UBR4: variants seen among roughly 807,000 people sequenced by gnomAD.
The protein encoded by UBR4 is E3 ubiquitin-protein ligase UBR4.
A neutral mutation model predicts 575.6 loss-of-function variants in UBR4; 124 were observed. That is an observed-to-expected ratio of 0.22 (90% confidence interval 0.19 to 0.25). UBR4 has a LOEUF of 0.25. Among genes scored for constraint, UBR4 ranks in the 10% least tolerant of loss-of-function variants. The pLI is 1.00. For synonymous variants in UBR4, 2,455 were observed against 2,473.7 expected, an observed-to-expected ratio of 0.99 and a Z score of 0.22; for missense variants, 4,818 against 6,478.8, an observed-to-expected ratio of 0.74 and a Z score of 8.80.
At chr1:19,113,628 A>T in intron 77 of UBR4, 71 bp downstream of exon 77, 1 of 1,587,982 alleles carries the variant, frequency 6.3e-7, no homozygotes, top group South Asian at 1.2e-5. Context: ...AGAGAGCAGC[A>T]GGACTGCTGT....
Position 19,110,595 on chromosome 1 carries a change from C to T in UBR4, c.11893-131G>A. On this transcript the variant is annotated intron_variant, in intron 79 of 105. Coordinates refer to ENST00000375254, the MANE Select transcript of UBR4 (RefSeq NM_020765.3). The surrounding 1 kb of genome is among the most constrained non-coding windows in gnomAD (Gnocchi z 4.5). Reference sequence around the variant, plus strand: ...AGGACAGACGGAGACCCTTGTGCTCCAGGCTCTTCCCTGGGAAAACCATTC... The same window carrying T: ...AGGACAGACGGAGACCCTTGTGCTCTAGGCTCTTCCCTGGGAAAACCATTC... 2 of 1,339,868 alleles carry T rather than the reference C, an allele frequency of 1.5e-6. No homozygotes were observed. The highest frequency in any genetic ancestry group is 2.1e-6 in the Non-Finnish European group (2 of 943,074). 83.0% of individuals were successfully genotyped at this position (1,339,868 alleles called of 1,614,324 possible). A position where few individuals can be genotyped will look rare whatever the true frequency, so the allele number is the denominator to read the frequency against.
chr1:19,180,172 T>A (rs181541567), intron 17 of UBR4, among the ~76,000 whole-genome samples: 54 of 152,078 alleles, frequency 3.6e-4, no homozygotes, highest in African/African-American at 1.3e-3. Flanking sequence ...GGTTTATCTC[T>A]AAAACCATGT....
chr1:19,121,400 A>G lies in UBR4; in HGVS notation c.9930T>C (p.Leu3310=). ...VLYFLLQVSF[L]VDEGVSPVLL... is the part of the protein sequence containing the mutation. ...GCACTGGGGACACGCCCTCATCCAC[A>G]AGGAAACTGACTTGGAGGAGGAAGT... The change falls in exon 68 of 106, where the codon CTT becomes CTC. Residue 3310 remains leucine, a synonymous_variant. Coordinates refer to ENST00000375254, the MANE Select transcript of UBR4 (RefSeq NM_020765.3). 1 of 1,614,080 alleles carries G rather than the reference A, an allele frequency of 6.2e-7. No individual in the cohort carries two copies. Among genetic ancestry groups the G allele is most frequent in the Non-Finnish European group, 8.5e-7 (1 of 1,179,968 alleles).
chr1:19,197,648 T>C (rs369411510), intron 7 of UBR4, 22 bp downstream of exon 7: 5 of 1,612,924 alleles, frequency 3.1e-6, no homozygotes, highest in East Asian at 2.2e-5. Flanking sequence ...AAGTAAAGCA[T>C]GTGCACTGTG....
rs2085977656 is a variant in UBR4 at position 19,153,209 on chromosome 1, C to T, written c.6832+92G>A. 16 of 1,384,898 alleles carry T rather than the reference C, an allele frequency of 1.2e-5. No individual in the cohort carries two copies. In the South Asian group the frequency reaches 2.0e-4, roughly 17 times the overall value. The allele number at this position is 1,384,898 out of a possible 1,614,324, so 85.8% of individuals were successfully genotyped here. On this transcript the variant is annotated intron_variant, in intron 46 of 105. Transcript: ENST00000375254. The surrounding 1 kb of genome is among the most constrained non-coding windows in gnomAD (Gnocchi z 4.1). Reference sequence around the variant, plus strand: ...ATGTGCAAGTAGGACAGTCACATTTCTTCACAGATATTTTCAACAGTCTAT... The same window carrying T: ...ATGTGCAAGTAGGACAGTCACATTTTTTCACAGATATTTTCAACAGTCTAT...
chr1:19,156,611 T>A (rs1246335568), intron 41 of UBR4, among the ~76,000 whole-genome samples, 156 bp downstream of exon 41: 1 of 152,180 alleles, frequency 6.6e-6, no homozygotes, highest in Non-Finnish European at 1.5e-5. Context: ...ATCTGAAAGA[T>A]CTGGGAGAAA....
intron 1 of UBR4, among the ~76,000 whole-genome samples, chr1:19,207,432 C>T (rs563926942): frequency 6.6e-6 from 1 of 152,296 alleles, no homozygotes; most frequent in South Asian, 2.1e-4. Flanking sequence ...AGTTCAAGAC[C>T]AGCCTGACCA....
intron 51 of UBR4, 98 bp from the exon 52 acceptor site, chr1:19,147,098 C>G: frequency 7.3e-7 from 1 of 1,377,214 alleles, no homozygotes; most frequent in Non-Finnish European, 9.8e-7. Flanking sequence ...GGATTATTAC[C>G]TCCTCTCAAG....
intron 1 of UBR4, among the ~76,000 whole-genome samples, chr1:19,203,320 G>A (rs1407037638): frequency 1.3e-5 from 2 of 151,892 alleles, no homozygotes; most frequent in Non-Finnish European, 2.9e-5. Context: ...GGCCAATATG[G>A]TGAAACCCCG....
rs1298008782 is a variant in UBR4, at chr1:19,141,532, G to A, written c.8311-8C>T. On this transcript the variant is annotated splice_region_variant and splice_polypyrimidine_tract_variant and intron_variant, in intron 56 of 105. Coordinates refer to ENST00000375254, the MANE Select transcript of UBR4 (RefSeq NM_020765.3). ...CAGGACCATCGACTCAGACTGCAGA[G>A]AGAAAGCTCTGTCAGTGTCCCATGG... 3 of 1,601,966 alleles carry A rather than the reference G, an allele frequency of 1.9e-6. No homozygotes were observed. The highest frequency in any genetic ancestry group is 1.1e-5 in the South Asian group (1 of 88,720).
In UBR4 at chr1:19,169,507, T is replaced by A; in HGVS notation, c.3669A>T (p.Pro1223=). The A allele has an allele frequency of 1.2e-6, 2 of 1,613,758 alleles. No individual in the cohort carries two copies. Among genetic ancestry groups the A allele is most frequent in the South Asian group, 2.2e-5 (2 of 90,960 alleles). ...ACTCACACACAGTCTGCACTGACGA[T>A]GGCAAATTCTGAACCAGTGTCGGAC... ...TLGPTLVQNL[P]SSVQTVCESW... is the part of the protein sequence containing the mutation. Residue 1223 remains proline (P), a synonymous_variant, in exon 27 of 106, where the codon CCA becomes CCT. Coordinates refer to ENST00000375254, the MANE Select transcript of UBR4 (RefSeq NM_020765.3).
chr1:19,155,010 C>A lies in UBR4; in HGVS notation c.6366G>T (p.Leu2122Phe). The A allele has an allele frequency of 6.2e-7, 1 of 1,614,196 alleles. No individual in the cohort carries two copies. The highest frequency in any genetic ancestry group is 1.1e-5 in the South Asian group (1 of 91,086). The change falls in exon 44 of 106, where the codon TTG becomes TTT. Residue 2122 changes from leucine (L) to phenylalanine (F), a missense_variant. Leu to Phe is a conservative substitution (Grantham distance 22). Coordinates refer to ENST00000375254, the MANE Select transcript of UBR4 (RefSeq NM_020765.3). ...ATTTGCCTTGACAATAGCTGAAGAA[C>A]AACATCTGCAACACGTGGGAGTAGT... The part of the protein sequence containing the change: ...SVYYSHVLQM[L>F]FFSYCQGKSF...
intron 54 of UBR4, among the ~76,000 whole-genome samples, chr1:19,144,315 G>A (rs1571068097): frequency 6.6e-6 from 1 of 152,302 alleles, no homozygotes; most frequent in African/African-American, 2.4e-5. Flanking sequence ...CAGTTCCTGG[G>A]GATGGACTGG....
At chr1:19,150,523 C>A in intron 49 of UBR4, 54 bp downstream of exon 49, 1 of 1,578,782 alleles carries the variant, frequency 6.3e-7, no homozygotes, top group Non-Finnish European at 8.7e-7. Flanking sequence ...CAGGAAGGTT[C>A]TGCAGTGAGT....
At position 19,100,949 on chromosome 1, in the gene UBR4, C is replaced by T. The variant is rs2078565918; in HGVS notation, c.13024-376G>A. 6.6e-6 allele frequency among the ~76,000 whole-genome samples: 1 copy of T among 152,084 alleles called. No homozygotes were observed. Among genetic ancestry groups the T allele is most frequent in the African/African-American group, 2.4e-5 (1 of 41,404 alleles). On this transcript the variant is annotated intron_variant, in intron 88 of 105. Transcript: ENST00000375254. This position sits in a 1 kb window ranked among gnomAD's most constrained non-coding sequence, Gnocchi z 4.2. ...AATTTGGGGCCAGAGGACTTTGTCA[C>T]TGATGACCCTGAAGTCAAGAAAAGG... is the stretch of plus-strand genomic sequence containing the variant.
intron 55 of UBR4, among the ~76,000 whole-genome samples, chr1:19,143,443 T>A (rs2084377545): frequency 6.6e-6 from 1 of 152,226 alleles, no homozygotes; most frequent in African/African-American, 2.4e-5. Context: ...TCGTAAAATG[T>A]TATGCCCTTG....
Position 19,104,649 on chromosome 1 carries a change from C to T in UBR4, c.12663G>A (p.Leu4221=). The part of the protein sequence containing the change: ...NLITKEIARL[L]ALEEATLSTD... ...TACTCAGGGTAGCCTCCTCCAGGGC[C>T]AGCAGACGAGCTATTTCCTAAACAG... The change falls in exon 86 of 106, where the codon CTG becomes CTA. Residue 4221 remains leucine (L), a synonymous_variant. Coordinates refer to ENST00000375254, the MANE Select transcript of UBR4 (RefSeq NM_020765.3). 2 of 1,614,098 alleles carry T rather than the reference C, an allele frequency of 1.2e-6. No homozygotes were observed. The highest frequency in any genetic ancestry group is 1.1e-5 in the South Asian group (1 of 91,054).
intron 8 of UBR4, among the ~76,000 whole-genome samples, chr1:19,194,369 T>C (rs2092318270): frequency 6.6e-6 from 1 of 152,184 alleles, no homozygotes. Context: ...ATGCCTCTAG[T>C]TCCAGTTACT....
Position 19,139,018 on chromosome 1 carries a change from C to T in UBR4, c.8731+65G>A. On this transcript the variant is annotated intron_variant, in intron 59 of 105. Transcript: ENST00000375254. The surrounding 1 kb of genome is among the most constrained non-coding windows in gnomAD (Gnocchi z 4.2). ...GCAAAAACCAACCCCAAGACCCAAG[C>T]AGAGATTCCTGTTTTGTCCCCACCC... is the stretch of plus-strand genomic sequence containing the variant. 1.3e-6 allele frequency: 2 copies of T among 1,512,146 alleles called. No homozygotes were observed. The highest frequency in any genetic ancestry group is 1.3e-5 in the South Asian group (1 of 77,634). The allele number at this position is 1,512,146 out of a possible 1,614,324, so 93.7% of individuals were successfully genotyped here.
Sources: allele counts gnomAD v4.1 joint callset (sites outside exome capture counted in the v4.1 genomes callset), GRCh38; gene constraint gnomAD v4.1.1; non-coding constraint Gnocchi (gnomAD v3.1); transcripts MANE v1.5; gene names NCBI Gene and HGNC (gene_info 2026-07-23, HGNC 2026-07-21).